The following LY6G6D variants were observed in gnomAD, a reference collection of about 807,000 sequenced individuals.
LY6G6D encodes the protein lymphocyte antigen 6 complex locus protein G6d.
Under a neutral mutation model 8.5 loss-of-function variants are expected in LY6G6D, and 5 were observed. That is an observed-to-expected ratio of 0.59 (90% CI 0.31 to 1.24). The LOEUF (loss-of-function observed/expected upper bound fraction) is 1.24. Among genes scored for constraint, LY6G6D ranks in the 50% most tolerant of loss-of-function variants. The pLI, the probability that LY6G6D is intolerant of heterozygous loss-of-function variation, is 0.07. For synonymous variants in LY6G6D, 65 were observed against 69.6 expected (o/e 0.93, Z 0.33); for missense variants, 154 against 170.4 (o/e 0.90, Z 0.53).
Position 31,715,470 on chromosome 6 carries a change from G to A in LY6G6D, c.56-32G>A, listed in dbSNP as rs867459687. ...CTTCTGCCAGCCGGCTCCACCGAGG[G>A]CCCAGGTCCAGCGCCTCTTTTCTCC... On this transcript the variant is annotated intron_variant, in intron 1 of 2. Transcript: ENST00000375825. 3.1e-6 allele frequency: 5 copies of A among 1,608,870 alleles called. No homozygotes were observed. The South Asian group carries it at 3.3e-5, about 11-fold the overall frequency.
In LY6G6D at chr6:31,717,802, T is replaced by C. The variant is rs761876207; in HGVS notation, c.400T>C (p.Ter134GlnextTer3). The C allele has an allele frequency of 1.9e-6, 3 of 1,608,372 alleles. No individual in the cohort carries two copies. The African/African-American group carries it at 4.0e-5, about 21-fold the overall frequency. ...TCLLPGLWSG[*>Q] is the part of the protein sequence containing the mutation. ...TCTCTTGCCAGGACTGTGGAGCGGA[T>C]AGGGGGAGTAGGAGTAGAGAAGGGA... is the stretch of plus-strand genomic sequence containing the variant. The change falls in exon 3 of 3, where the codon TAG becomes CAG. Residue 134 changes from the stop codon to glutamine, a stop_lost. Coordinates refer to ENST00000375825, the MANE Select transcript of LY6G6D (RefSeq NM_021246.4). This position sits in a 1 kb window ranked among gnomAD's most constrained non-coding sequence, Gnocchi z 5.0.
Position 31,715,374 on chromosome 6 carries a change from G to T in LY6G6D, c.19G>T (p.Gly7Trp), listed in dbSNP as rs536760002. 4.1e-5 allele frequency: 66 copies of T among 1,602,538 alleles called. No individual in the cohort carries two copies. The highest frequency in any genetic ancestry group is 5.5e-5 in the Non-Finnish European group (64 of 1,173,354). Reference protein sequence around the residue: MKPQFVGILLSSLLGAA... With the variant: MKPQFVWILLSSLLGAA... ...GACTGCGATGAAACCCCAGTTTGTT[G>T]GGATCTTGCTCAGCTCCCTGCTAGG... Residue 7 changes from glycine to tryptophan, a missense_variant, in exon 1 of 3, where the codon GGG (glycine) becomes TGG (tryptophan). By Grantham distance (184) the Gly-to-Trp change is radical (BLOSUM62 -2). Coordinates refer to ENST00000375825, the MANE Select transcript of LY6G6D (RefSeq NM_021246.4).
Position 31,717,747 on chromosome 6 carries a change from T to C in LY6G6D, c.345T>C (p.Ile115=). The C allele has an allele frequency of 6.2e-7, 1 of 1,614,068 alleles. No homozygotes were observed. Among genetic ancestry groups the C allele is most frequent in the Non-Finnish European group, 8.5e-7 (1 of 1,180,022 alleles). The change falls in exon 3 of 3, where the codon ATT becomes ATC. Residue 115 remains isoleucine, a synonymous_variant. Transcript: ENST00000375825. This position sits in a 1 kb window ranked among gnomAD's most constrained non-coding sequence, Gnocchi z 5.0. The stretch of plus-strand genomic sequence containing the variant: ...CAAGCCATGTGGCCCCTGCAGGCAT[T>C]TTGGCTGCAGCAGCTACCGCCCTGA... ...AVASHVAPAG[I]LAAAATALTC... is the part of the protein sequence containing the mutation.
Position 31,717,559 on chromosome 6 carries a change from CCA to C in LY6G6D, c.179-21_179-20del. 1 of 1,614,212 alleles carries C rather than the reference CCA, an allele frequency of 6.2e-7. No homozygotes were observed. Among genetic ancestry groups the C allele is most frequent in the Non-Finnish European group, 8.5e-7 (1 of 1,180,042 alleles). On this transcript the variant is annotated intron_variant, in intron 2 of 2. Coordinates refer to ENST00000375825, the MANE Select transcript of LY6G6D (RefSeq NM_021246.4). This position sits in a 1 kb window ranked among gnomAD's most constrained non-coding sequence, Gnocchi z 5.0. ...GTCCTGAAGCCAGGAGTCCAACACC[CCA>C]GTTTCATTCTCTCTCTCAGCCCCAG...
At position 31,717,695 on chromosome 6, in the gene LY6G6D, T is replaced by G. The variant is rs1302106356; in HGVS notation, c.293T>G (p.Leu98Arg). Reference sequence around the variant, plus strand: ...TATCCAGCCCACAGGGACTGCTACCTGGGAGACCTGTGCAACAGCGCCGTG... The same window carrying G: ...TATCCAGCCCACAGGGACTGCTACCGGGGAGACCTGTGCAACAGCGCCGTG... Reference protein sequence around the residue: ...VTYPAHRDCYLGDLCNSAVAS... With the variant: ...VTYPAHRDCYRGDLCNSAVAS... Residue 98 changes from leucine (L) to arginine (R), a missense_variant, in exon 3 of 3, where the codon CTG (leucine) becomes CGG (arginine). Coordinates refer to ENST00000375825, the MANE Select transcript of LY6G6D (RefSeq NM_021246.4). This position sits in a 1 kb window ranked among gnomAD's most constrained non-coding sequence, Gnocchi z 5.0. The G allele has an allele frequency of 6.2e-7, 1 of 1,614,202 alleles. No homozygotes were observed. The highest frequency in any genetic ancestry group is 8.5e-7 in the Non-Finnish European group (1 of 1,180,034).
At chr6:31,715,950 GGTGT>G (rs3138769) in intron 2 of LY6G6D, among the ~76,000 whole-genome samples, 34,476 of 146,766 alleles carry the variant, frequency 0.23, 5,232 homozygotes, top group African/African-American at 0.42. Context: ...ACCAGGGAGG[GGTGT>G]GTGTGTGTGT....
Position 31,717,716 on chromosome 6 carries a change from C to T in LY6G6D, c.314C>T (p.Ala105Val). The T allele has an allele frequency of 6.2e-7, 1 of 1,614,116 alleles. No homozygotes were observed. The highest frequency in any genetic ancestry group is 8.5e-7 in the Non-Finnish European group (1 of 1,180,042). The change falls in exon 3 of 3, where the codon GCC (alanine) becomes GTC (valine). Residue 105 changes from alanine to valine, a missense_variant. Ala to Val is a moderately conservative substitution (Grantham distance 64). Transcript: ENST00000375825. This position sits in a 1 kb window ranked among gnomAD's most constrained non-coding sequence, Gnocchi z 5.0. Reference protein sequence around the residue: ...DCYLGDLCNSAVASHVAPAGI... With the variant: ...DCYLGDLCNSVVASHVAPAGI... Reference sequence around the variant, plus strand: ...TACCTGGGAGACCTGTGCAACAGCGCCGTGGCAAGCCATGTGGCCCCTGCA... The same window carrying T: ...TACCTGGGAGACCTGTGCAACAGCGTCGTGGCAAGCCATGTGGCCCCTGCA...
In LY6G6D at chr6:31,717,546, G is replaced by C; in HGVS notation, c.179-35G>C. 6.2e-7 allele frequency: 1 copy of C among 1,614,208 alleles called. No homozygotes were observed. Among genetic ancestry groups the C allele is most frequent in the South Asian group, 1.1e-5 (1 of 91,078 alleles). ...CCCCAGAAGGCAAGTCCTGAAGCCAGGAGTCCAACACCCCAGTTTCATTCT... is the reference window on the plus strand; with the variant it reads ...CCCCAGAAGGCAAGTCCTGAAGCCACGAGTCCAACACCCCAGTTTCATTCT... On this transcript the variant is annotated intron_variant, in intron 2 of 2. Transcript: ENST00000375825. The surrounding 1 kb of genome is among the most constrained non-coding windows in gnomAD (Gnocchi z 5.0).
chr6:31,716,750 C>T lies in LY6G6D; in HGVS notation c.179-831C>T, dbSNP rs1224454352. ...AGCCTGGGCAGCAAAGTGAGACCCCCATCTCTACAAAAAATGTTTTTAAAA... is the reference window on the plus strand; with the variant it reads ...AGCCTGGGCAGCAAAGTGAGACCCCTATCTCTACAAAAAATGTTTTTAAAA... On this transcript the variant is annotated intron_variant, in intron 2 of 2. Coordinates refer to ENST00000375825, the MANE Select transcript of LY6G6D (RefSeq NM_021246.4). This position sits in a 1 kb window ranked among gnomAD's most constrained non-coding sequence, Gnocchi z 5.1. 6.6e-6 allele frequency among the ~76,000 whole-genome samples: 1 copy of T among 151,316 alleles called. No individual in the cohort carries two copies. The highest frequency in any genetic ancestry group is 1.9e-4 in the East Asian group (1 of 5,138).
rs78476719 is a variant in LY6G6D at position 31,717,660 on chromosome 6, A to G, written c.258A>G (p.Gly86=). Residue 86 remains glycine, a synonymous_variant, in exon 3 of 3, where the codon GGA becomes GGG. Coordinates refer to ENST00000375825, the MANE Select transcript of LY6G6D (RefSeq NM_021246.4). This position sits in a 1 kb window ranked among gnomAD's most constrained non-coding sequence, Gnocchi z 5.0. ...ATCAAGTGGAGACAGAGTCGGTGGG[A>G]GACGTGACTTATCCAGCCCACAGGG... ...HCNQVETESV[G]DVTYPAHRDC... 6.2e-7 allele frequency: 1 copy of G among 1,613,968 alleles called. No individual in the cohort carries two copies. The highest frequency in any genetic ancestry group is 8.5e-7 in the Non-Finnish European group (1 of 1,179,980).
chr6:31,717,515 G>T lies in LY6G6D; in HGVS notation c.179-66G>T, dbSNP rs2151291385. The T allele has an allele frequency of 6.2e-7, 1 of 1,614,026 alleles. No homozygotes were observed. The highest frequency in any genetic ancestry group is 8.5e-7 in the Non-Finnish European group (1 of 1,179,920). The stretch of plus-strand genomic sequence containing the variant: ...CTTTGGGCTCCTTGAAATCACATCT[G>T]CTCTGCCCCAGAAGGCAAGTCCTGA... On this transcript the variant is annotated intron_variant, in intron 2 of 2. Transcript: ENST00000375825. The surrounding 1 kb of genome is among the most constrained non-coding windows in gnomAD (Gnocchi z 5.0).
Position 31,717,328 on chromosome 6 carries a change from A to G in LY6G6D, c.179-253A>G. The G allele has an allele frequency of 1.5e-6, 1 of 688,660 alleles. No individual in the cohort carries two copies. Among genetic ancestry groups the G allele is most frequent in the Admixed American group, 3.3e-5 (1 of 30,586 alleles). 42.7% of individuals were successfully genotyped at this position (688,660 alleles called of 1,614,324 possible). ...ATGTCCCTCGATATTTATTTATCTG[A>G]TATTTGCCATGATGAGATTGAGGTC... On this transcript the variant is annotated intron_variant, in intron 2 of 2. Coordinates refer to ENST00000375825, the MANE Select transcript of LY6G6D (RefSeq NM_021246.4). The surrounding 1 kb of genome is among the most constrained non-coding windows in gnomAD (Gnocchi z 5.0).
rs1050784935 is a variant in LY6G6D, at chr6:31,716,972, C to T, written c.179-609C>T. Among the ~76,000 whole-genome samples, 4 of 150,150 alleles carry T rather than the reference C, an allele frequency of 2.7e-5. No homozygotes were observed. The highest frequency in any genetic ancestry group is 7.4e-5 in the African/African-American group (3 of 40,658). Reference sequence around the variant, plus strand: ...TTTAGATTAAACAAAAATTACGTGCCGGATGCAGTGGCTCACGCCTGTAAT... The same window carrying T: ...TTTAGATTAAACAAAAATTACGTGCTGGATGCAGTGGCTCACGCCTGTAAT... On this transcript the variant is annotated intron_variant, in intron 2 of 2. Transcript: ENST00000375825. This position sits in a 1 kb window ranked among gnomAD's most constrained non-coding sequence, Gnocchi z 5.1.
intron 2 of LY6G6D, among the ~76,000 whole-genome samples, chr6:31,715,975 G>GTA (rs1806408791): frequency 6.6e-6 from 1 of 151,952 alleles, no homozygotes; most frequent in Non-Finnish European, 1.5e-5. Context: ...GTGTGTGTGT[G>GTA]TGTGTGTGTG....
intron 2 of LY6G6D, among the ~76,000 whole-genome samples, chr6:31,715,981 G>GTGTC (rs935714453): frequency 6.6e-6 from 1 of 151,832 alleles, no homozygotes; most frequent in Non-Finnish European, 1.5e-5. Context: ...GTGTGTGTGT[G>GTGTC]TGTGTGTGTA....
rs754947197 is a variant in LY6G6D, at chr6:31,717,751, G to A, written c.349G>A (p.Ala117Thr). The A allele has an allele frequency of 1.2e-6, 2 of 1,613,954 alleles. No individual in the cohort carries two copies. Among genetic ancestry groups the A allele is most frequent in the Non-Finnish European group, 1.7e-6 (2 of 1,180,044 alleles). Residue 117 changes from alanine to threonine, a missense_variant, in exon 3 of 3, where the codon GCT becomes ACT. By Grantham distance (58) the Ala-to-Thr change is moderately conservative (BLOSUM62 0). Coordinates refer to ENST00000375825, the MANE Select transcript of LY6G6D (RefSeq NM_021246.4). The surrounding 1 kb of genome is among the most constrained non-coding windows in gnomAD (Gnocchi z 5.0). ...CCATGTGGCCCCTGCAGGCATTTTG[G>A]CTGCAGCAGCTACCGCCCTGACCTG... is the stretch of plus-strand genomic sequence containing the variant. ...ASHVAPAGIL[A>T]AAATALTCLL...
At chr6:31,715,967 G>C (rs1171317204) in intron 2 of LY6G6D, among the ~76,000 whole-genome samples, 1 of 151,832 alleles carries the variant, frequency 6.6e-6, no homozygotes, top group Non-Finnish European at 1.5e-5. Context: ...GTGTGTGTGT[G>C]TGTGTGTGTG....
rs1169273777 is a variant in LY6G6D at position 31,715,391 on chromosome 6, C to T, written c.36C>T (p.Ser12=). The change falls in exon 1 of 3, where the codon TCC becomes TCT. Residue 12 remains serine (S), a synonymous_variant. Transcript: ENST00000375825. ...AGTTTGTTGGGATCTTGCTCAGCTC[C>T]CTGCTAGGGGCTGCCTTGGGTAAGG... ...KPQFVGILLS[S]LLGAALGNRM... 6.2e-7 allele frequency: 1 copy of T among 1,605,526 alleles called. No individual in the cohort carries two copies. The highest frequency in any genetic ancestry group is 8.5e-7 in the Non-Finnish European group (1 of 1,175,056).
At chr6:31,715,935 T>G (rs1180344380) in intron 2 of LY6G6D, among the ~76,000 whole-genome samples, 1 of 148,748 alleles carries the variant, frequency 6.7e-6, no homozygotes, top group Non-Finnish European at 1.5e-5. Context: ...CGGCATTAGT[T>G]AAGGACCAGG....
Sources: allele counts gnomAD v4.1 joint callset (sites outside exome capture counted in the v4.1 genomes callset), GRCh38; gene constraint gnomAD v4.1.1; non-coding constraint Gnocchi (gnomAD v3.1); transcripts MANE v1.5; gene names NCBI Gene and HGNC (gene_info 2026-07-23, HGNC 2026-07-21).